Variants in CUL2 observed in about 807,000 individuals in gnomAD.
CUL2 encodes the protein cullin-2.
A neutral mutation model predicts 110.2 loss-of-function variants in CUL2; 22 were observed. The observed-to-expected ratio is 0.20, with a 90% CI of 0.14 to 0.28. The LOEUF (loss-of-function observed/expected upper bound fraction) is 0.28. Ranked by LOEUF, CUL2 falls within the 10% of genes least tolerant of loss-of-function variation. The probability of loss-of-function intolerance (pLI) is 1.00; values close to 1 mark genes in which losing one functional copy is unlikely to be tolerated. For synonymous variants in CUL2, 279 were observed against 293.2 expected (o/e 0.95, Z 0.49); for missense variants, 631 against 905.5 (o/e 0.70, Z 3.89).
intron 8 of CUL2, among the ~76,000 whole-genome samples, chr10:35,039,780 G>T (rs1415134472): frequency 6.6e-6 from 1 of 152,128 alleles, no homozygotes; most frequent in Non-Finnish European, 1.5e-5. Context: ...ACTTCATCCC[G>T]GGAGGTGGGG....
chr10:35,058,301 ACT>A (rs2086293624), intron 4 of CUL2, among the ~76,000 whole-genome samples: 1 of 151,984 alleles, frequency 6.6e-6, no homozygotes, highest in Non-Finnish European at 1.5e-5. Flanking sequence ...TGGACGAATA[ACT>A]CTTACAAGTT....
intron 5 of CUL2, among the ~76,000 whole-genome samples, chr10:35,051,239 CG>C (rs1220669663): frequency 2.0e-5 from 3 of 146,628 alleles, no homozygotes; most frequent in African/African-American, 7.6e-5. Flanking sequence ...GGTGTGAACC[CG>C]GGAGGCGGAG....
intron 2 of CUL2, among the ~76,000 whole-genome samples, chr10:35,070,807 C>T (rs988004015): frequency 2.3e-4 from 35 of 152,292 alleles, no homozygotes; most frequent in African/African-American, 7.7e-4. Context: ...GAGCAGCACC[C>T]ACACAGGTGC....
Position 35,023,356 on chromosome 10 carries a change from C to A in CUL2, c.1684+1776G>T, listed in dbSNP as rs189573197. 2.3e-3 allele frequency among the ~76,000 whole-genome samples: 356 copies of A among 152,090 alleles called. 3 individuals carry two copies. Among genetic ancestry groups the A allele is most frequent in the African/African-American group, 8.2e-3 (341 of 41,490 alleles). On this transcript the variant is annotated intron_variant, in intron 17 of 20. Coordinates refer to ENST00000374749, the MANE Select transcript of CUL2 (RefSeq NM_003591.4). The stretch of plus-strand genomic sequence containing the variant: ...AAATAAACTTATAAGGTTCTCTTTC[C>A]AAAGGAAGTAACTATTTGGTTTTAA...
At chr10:35,053,071 C>T (rs1026786711) in intron 5 of CUL2, among the ~76,000 whole-genome samples, 1 of 151,556 alleles carries the variant, frequency 6.6e-6, no homozygotes, top group Non-Finnish European at 1.5e-5. Context: ...CGTTTTATCG[C>T]AGTTTGAAAA....
intron 1 of CUL2, among the ~76,000 whole-genome samples, chr10:35,086,879 A>C (rs2087078312): frequency 6.6e-6 from 1 of 152,212 alleles, no homozygotes; most frequent in Admixed American, 6.5e-5. Context: ...TACAAATGTC[A>C]AAGTAAAGTG....
At chr10:35,080,117 G>A (rs962834276) in intron 1 of CUL2, among the ~76,000 whole-genome samples, 2 of 152,152 alleles carry the variant, frequency 1.3e-5, no homozygotes, top group East Asian at 1.9e-4. Flanking sequence ...TGTGAATAAG[G>A]GAGGCAGGGA....
At chr10:35,084,142 T>G (rs551737151) in intron 1 of CUL2, among the ~76,000 whole-genome samples, 1 of 152,188 alleles carries the variant, frequency 6.6e-6, no homozygotes, top group South Asian at 2.1e-4. Context: ...TCAGGTGTGG[T>G]GGCAGACACC....
chr10:35,010,931 G>A (rs142476156), intron 20 of CUL2, among the ~76,000 whole-genome samples: 131 of 152,316 alleles, frequency 8.6e-4, no homozygotes, highest in Middle Eastern at 3.4e-3. Flanking sequence ...GACCAGCCCA[G>A]CTGTCTATCA....
At chr10:35,117,890 GA>G (rs1293375137) in intron 1 of CUL2, among the ~76,000 whole-genome samples, 1 of 152,110 alleles carries the variant, frequency 6.6e-6, no homozygotes, top group Non-Finnish European at 1.5e-5. Flanking sequence ...TAATAGACTT[GA>G]TTTTTTTCAG....
rs1339920606 is a variant in CUL2, at chr10:35,009,158, G to A, written c.*1153C>T. On this transcript the variant is annotated 3_prime_UTR_variant, in exon 21 of 21. Coordinates refer to ENST00000374749, the MANE Select transcript of CUL2 (RefSeq NM_003591.4). ...TAGACAATAAATATGATAATAGATC[G>A]CAGTACTCTTAACACTGCTGTTGAG... The A allele has an allele frequency of 2.8e-5, 4 of 143,380 alleles. No individual in the cohort carries two copies. The highest frequency in any genetic ancestry group is 2.0e-4 in the East Asian group (1 of 4,926). 8.9% of individuals were successfully genotyped at this position (143,380 alleles called of 1,614,324 possible). A position where few individuals can be genotyped will look rare whatever the true frequency, so the allele number is the denominator to read the frequency against.
chr10:35,045,068 C>A (rs2085899560), intron 6 of CUL2, among the ~76,000 whole-genome samples, 200 bp from the exon 7 acceptor site: 1 of 151,986 alleles, frequency 6.6e-6, no homozygotes, highest in South Asian at 2.1e-4. Flanking sequence ...TTAATGTATA[C>A]ATTAGATGTC....
chr10:35,108,221 A>T (rs1168075267), intron 1 of CUL2, among the ~76,000 whole-genome samples: 2 of 151,970 alleles, frequency 1.3e-5, no homozygotes, highest in Non-Finnish European at 2.9e-5. Context: ...ACTCTGGGCT[A>T]AGGTGGGAGG....
At chr10:35,111,431 A>C (rs1357692389) in intron 1 of CUL2, among the ~76,000 whole-genome samples, 1 of 151,872 alleles carries the variant, frequency 6.6e-6, no homozygotes, top group African/African-American at 2.4e-5. Flanking sequence ...TTTTCTATTC[A>C]TTCTTTTTAT....
chr10:35,100,053 G>A (rs2087356563), intron 2 of CUL2, among the ~76,000 whole-genome samples: 1 of 151,904 alleles, frequency 6.6e-6, no homozygotes, highest in Admixed American at 6.6e-5. Flanking sequence ...CAATCCTCCT[G>A]TCTTGGCCTC....
At chr10:35,056,173 T>C (rs1243502667) in intron 4 of CUL2, among the ~76,000 whole-genome samples, 1 of 152,324 alleles carries the variant, frequency 6.6e-6, no homozygotes, top group Non-Finnish European at 1.5e-5. Flanking sequence ...CCTCCTCTTG[T>C]AGACAGCATC....
chr10:35,029,513 A>G lies in CUL2; in HGVS notation c.1514T>C (p.Ile505Thr). The G allele has an allele frequency of 6.4e-7, 1 of 1,562,926 alleles. No homozygotes were observed. Among genetic ancestry groups the G allele is most frequent in the Non-Finnish European group, 8.6e-7 (1 of 1,157,562 alleles). The stretch of plus-strand genomic sequence containing the variant: ...CTGTAGAACATATATTTGAAAACTA[A>G]TTCCCAAATCTATTACTGTGTCTTG... ...KNQDTVIDLG[I>T]SFQIYVLQAG... Residue 505 changes from isoleucine to threonine, a missense_variant, in exon 15 of 21, where the codon ATT becomes ACT. Physicochemically the swap from Ile to Thr is moderately conservative, Grantham distance 89. Around this residue, in one of 3 missense-constraint regions of CUL2, gnomAD observed 134 missense variants for 260.4 expected, o/e 0.51. Transcript: ENST00000374749.
At chr10:35,021,746 G>T (rs1160029539) in intron 17 of CUL2, among the ~76,000 whole-genome samples, 1 of 150,654 alleles carries the variant, frequency 6.6e-6, no homozygotes, top group Non-Finnish European at 1.5e-5. Flanking sequence ...CCGGGAGGCA[G>T]AGGCTAATGT....
intron 5 of CUL2, among the ~76,000 whole-genome samples, chr10:35,050,452 TG>T (rs1341716190): frequency 1.3e-5 from 2 of 152,210 alleles, no homozygotes; most frequent in African/African-American, 4.8e-5. Context: ...GGCTGTAGAC[TG>T]ATTTTTTTAA....
Sources: allele counts gnomAD v4.1 joint callset (sites outside exome capture counted in the v4.1 genomes callset), GRCh38; gene constraint gnomAD v4.1.1; regional missense constraint gnomAD v4.1.1; transcripts MANE v1.5; gene names NCBI Gene and HGNC (gene_info 2026-07-23, HGNC 2026-07-21).